ATG7: variants seen among roughly 807,000 people sequenced by gnomAD.
The protein encoded by ATG7 is autophagy related 7.
In ATG7, 70 loss-of-function variants were observed where a neutral mutation model predicts 82.4. The observed-to-expected ratio is 0.85, with a 90% CI of 0.70 to 1.04. The LOEUF (loss-of-function observed/expected upper bound fraction) is 1.04. ATG7 is among the 50% of genes least tolerant of loss of function. ATG7 has a pLI of 0.00. For missense variants in ATG7, 792 were observed against 864.3 expected (o/e 0.92, Z 1.05); for synonymous variants, 287 against 313.0 (o/e 0.92, Z 0.88).
At chr3:11,464,943 C>T (rs1357877111) in intron 20 of ATG7, among the ~76,000 whole-genome samples, 1 of 152,132 alleles carries the variant, frequency 6.6e-6, no homozygotes, top group Non-Finnish European at 1.5e-5. Flanking sequence ...TTGCACAGTT[C>T]TTGGGCACAT....
chr3:11,395,693 C>A (rs1181976598), intron 19 of ATG7, among the ~76,000 whole-genome samples: 2 of 152,144 alleles, frequency 1.3e-5, no homozygotes, highest in African/African-American at 4.8e-5. Context: ...GTAATCCCAG[C>A]ACTTTGGGAG....
intron 20 of ATG7, among the ~76,000 whole-genome samples, chr3:11,532,354 CGGA>C (rs1159154942): frequency 1.3e-5 from 2 of 151,880 alleles, no homozygotes; most frequent in East Asian, 3.9e-4. Flanking sequence ...GAGGAGGAAA[CGGA>C]GGAGGACAGA....
At chr3:11,358,318 TGTGAACACA>T in intron 14 of ATG7, 91 bp from the exon 15 acceptor site, 1 of 1,208,394 alleles carries the variant, frequency 8.3e-7, no homozygotes, top group South Asian at 1.4e-5. Context: ...CTCTCATGTA[TGTGAACACA>T]AGTAAGTGCA....
At chr3:11,340,516 A>C (rs774051096) in intron 11 of ATG7, 129 bp from the exon 12 acceptor site, 12 of 757,090 alleles carry the variant, frequency 1.6e-5, no homozygotes, top group Non-Finnish European at 2.3e-5. Context: ...TTTAGAAAGA[A>C]GCAAACCAAA....
chr3:11,467,457 A>C (rs1160666700), intron 20 of ATG7, among the ~76,000 whole-genome samples: 1 of 151,798 alleles, frequency 6.6e-6, no homozygotes, highest in African/African-American at 2.4e-5. Context: ...GCTTACTGCA[A>C]CCTCCGCCCC....
chr3:11,466,399 C>CAAA (rs1170676661), intron 20 of ATG7, among the ~76,000 whole-genome samples: 1 of 152,190 alleles, frequency 6.6e-6, no homozygotes, highest in Non-Finnish European at 1.5e-5. Context: ...CGTCATATTG[C>CAAA]AAAGGGCATG....
intron 20 of ATG7, among the ~76,000 whole-genome samples, chr3:11,469,493 C>T (rs549016019): frequency 4.3e-4 from 65 of 152,056 alleles, no homozygotes; most frequent in Non-Finnish European, 7.2e-4. Context: ...AACAAACCTA[C>T]CTATTAGTCC....
intron 20 of ATG7, among the ~76,000 whole-genome samples, chr3:11,517,513 C>T (rs1020942705): frequency 4.6e-5 from 7 of 152,082 alleles, no homozygotes; most frequent in African/African-American, 9.7e-5. Context: ...CTGGTCTAGT[C>T]GGAGTCAGCA....
At chr3:11,456,998 A>G (rs1576545419) in intron 20 of ATG7, among the ~76,000 whole-genome samples, 1 of 152,168 alleles carries the variant, frequency 6.6e-6, no homozygotes, top group African/African-American at 2.4e-5. Flanking sequence ...CTGAACAGTC[A>G]GTTGTGGAGT....
chr3:11,456,738 A>C (rs555221647), intron 20 of ATG7, among the ~76,000 whole-genome samples: 58 of 152,314 alleles, frequency 3.8e-4, no homozygotes, highest in African/African-American at 1.4e-3. Flanking sequence ...ATGTGACGGA[A>C]AGAAGTAGAC....
chr3:11,557,192 T>A lies in ATG7; in HGVS notation c.*2349T>A, dbSNP rs1283782158. Reference sequence around the variant, plus strand: ...GCTGTGACCTCCACAGCTGTGTCTGTCATGCTTGCTTCATCTAATTTCTAG... The same window carrying A: ...GCTGTGACCTCCACAGCTGTGTCTGACATGCTTGCTTCATCTAATTTCTAG... On this transcript the variant is annotated 3_prime_UTR_variant, in exon 21 of 21. Transcript: ENST00000693202. The A allele has an allele frequency of 6.5e-6, 1 of 152,788 alleles. No individual in the cohort carries two copies. The highest frequency in any genetic ancestry group is 1.5e-5 in the Non-Finnish European group (1 of 68,044). The allele number at this position is 152,788 out of a possible 1,614,324, so 9.5% of individuals were successfully genotyped here.
intron 19 of ATG7, among the ~76,000 whole-genome samples, chr3:11,390,679 T>C (rs959572489): frequency 9.8e-5 from 15 of 152,296 alleles, no homozygotes; most frequent in Admixed American, 9.8e-4. Flanking sequence ...TTGATTTTTT[T>C]TTTTTTCCAG....
chr3:11,326,255 C>G (rs1412051470), intron 9 of ATG7, among the ~76,000 whole-genome samples: 2 of 151,566 alleles, frequency 1.3e-5, no homozygotes, highest in East Asian at 1.9e-4. Context: ...CCCTTCTCCC[C>G]CTTTTTACAC....
chr3:11,413,120 G>A (rs1018607193), intron 19 of ATG7, among the ~76,000 whole-genome samples: 2 of 152,052 alleles, frequency 1.3e-5, no homozygotes, highest in Non-Finnish European at 2.9e-5. Flanking sequence ...AGCAGAAATC[G>A]TTTTACTTCT....
intron 3 of ATG7, among the ~76,000 whole-genome samples, chr3:11,296,105 A>G (rs1945869916): frequency 6.6e-6 from 1 of 152,086 alleles, no homozygotes; most frequent in South Asian, 2.1e-4. Flanking sequence ...TTTACTCCCT[A>G]ACTGCGGACA....
chr3:11,364,540 C>G, intron 17 of ATG7, 119 bp from the exon 18 acceptor site: 1 of 1,102,028 alleles, frequency 9.1e-7, no homozygotes, highest in Non-Finnish European at 1.3e-6. Context: ...CTAACTTACA[C>G]TGCCCAGCAA....
chr3:11,474,254 C>G (rs1163664717), intron 20 of ATG7, among the ~76,000 whole-genome samples: 1 of 152,190 alleles, frequency 6.6e-6, no homozygotes, highest in African/African-American at 2.4e-5. Flanking sequence ...TTTTCTAGTT[C>G]TATAAATAAA....
intron 20 of ATG7, among the ~76,000 whole-genome samples, chr3:11,483,587 G>T (rs1301664669): frequency 6.6e-6 from 1 of 152,102 alleles, no homozygotes. Flanking sequence ...TTTTACAGGA[G>T]GTACACAGAA....
rs753784110 is a variant in ATG7, at chr3:11,554,829, G to T, written c.2098G>T (p.Asp700Tyr). Residue 700 changes from aspartate (D) to tyrosine (Y), a missense_variant, in exon 21 of 21, where the codon GAT becomes TAT. Coordinates refer to ENST00000693202, the MANE Select transcript of ATG7 (RefSeq NM_001349232.2). ...QAAEIWDMSD[D>Y]ETI The stretch of plus-strand genomic sequence containing the variant: ...CATGCAGATCTGGGACATGAGCGAT[G>T]ATGAGACCATCTGAGATGGCCCCGC... 1.2e-6 allele frequency: 2 copies of T among 1,613,136 alleles called. No homozygotes were observed. The highest frequency in any genetic ancestry group is 1.7e-6 in the Non-Finnish European group (2 of 1,179,710).
Sources: allele counts gnomAD v4.1 joint callset (sites outside exome capture counted in the v4.1 genomes callset), GRCh38; gene constraint gnomAD v4.1.1; transcripts MANE v1.5; gene names NCBI Gene and HGNC (gene_info 2026-07-23, HGNC 2026-07-21).